Variants in PDLIM7 observed in about 807,000 individuals in gnomAD.
PDLIM7 encodes PDZ and LIM domain protein 7.
PDLIM7 carries 37 observed loss-of-function variants against 53.9 expected under a neutral mutation model. The ratio of observed to expected loss-of-function variants is 0.69; its 90% CI spans 0.53 to 0.90. The LOEUF (loss-of-function observed/expected upper bound fraction) is 0.90, where lower values mean the gene tolerates loss of function less well. PDLIM7 is among the 40% of genes least tolerant of loss of function. PDLIM7 has a pLI of 0.00. For missense variants in PDLIM7, 617 were observed against 638.5 expected, an observed-to-expected ratio of 0.97 and a Z score of 0.36; for synonymous variants, 300 against 261.3, an observed-to-expected ratio of 1.15 and a Z score of -1.43.
rs745788482 is a variant in PDLIM7, at chr5:177,488,080, C to T, written c.1038G>A (p.Lys346=). Residue 346 remains lysine, a synonymous_variant, in exon 10 of 13, where the codon AAG becomes AAA. Transcript: ENST00000355841. ...CAGCCCTACTCACGCCTGTAATCTT[C>T]TTCTTGCACTTGGCACAGCTGGGTG... ...RYAPSCAKCK[K]KITGEIMHAL... The T allele has an allele frequency of 2.8e-5, 45 of 1,600,332 alleles. No individual in the cohort carries two copies. The highest frequency in any genetic ancestry group is 3.7e-5 in the Non-Finnish European group (43 of 1,172,982).
intron 10 of PDLIM7, among the ~76,000 whole-genome samples, chr5:177,485,547 G>A (rs968291111): frequency 6.6e-6 from 1 of 152,236 alleles, no homozygotes; most frequent in African/African-American, 2.4e-5. Context: ...GGATGGCCCT[G>A]AGTTTAAATC....
chr5:177,489,722 C>T (rs1758648766), intron 8 of PDLIM7, 49 bp downstream of exon 8: 1 of 1,489,948 alleles, frequency 6.7e-7, no homozygotes, highest in Non-Finnish European at 8.9e-7. Flanking sequence ...ACCCCCATGC[C>T]CCTGGAGGCT....
At chr5:177,487,932 T>C (rs1758543737) in intron 10 of PDLIM7, 136 bp downstream of exon 10, 1 of 753,438 alleles carries the variant, frequency 1.3e-6, no homozygotes, top group East Asian at 2.8e-5. Context: ...GTGAGGCCAG[T>C]ACAGCAGCCC....
intron 9 of PDLIM7, among the ~76,000 whole-genome samples, chr5:177,488,512 G>A (rs747135531): frequency 1.3e-5 from 2 of 152,334 alleles, no homozygotes; most frequent in Middle Eastern, 3.4e-3. Flanking sequence ...CTGACGACTG[G>A]AGCCTCATAA....
intron 2 of PDLIM7, 125 bp from the exon 3 acceptor site, chr5:177,492,802 C>T (rs1758873455): frequency 5.5e-6 from 6 of 1,083,314 alleles, no homozygotes. Flanking sequence ...CTTCATTCAA[C>T]ATAGTTCTAG....
intron 4 of PDLIM7, 47 bp from the exon 5 acceptor site, chr5:177,491,972 G>T: frequency 1.2e-6 from 1 of 811,358 alleles, no homozygotes; most frequent in Non-Finnish European, 1.7e-6. Context: ...GGGTAAGGTG[G>T]GGGCCTGGGT....
intron 2 of PDLIM7, chr5:177,495,034 C>T (rs1758997989): frequency 6.6e-6 from 1 of 152,546 alleles, no homozygotes; most frequent in Non-Finnish European, 1.5e-5. Flanking sequence ...GCCCGGAGTG[C>T]CCCCAACAGG....
chr5:177,489,318 A>AAGACAGGTGGGC (rs1328703771), intron 9 of PDLIM7, 75 bp downstream of exon 9: 14 of 1,163,574 alleles, frequency 1.2e-5, no homozygotes, highest in Non-Finnish European at 2.4e-6. Context: ...CAGCTGAGGC[A>AAGACAGGTGGGC]AGACAGGTGG....
chr5:177,493,160 G>A (rs1736732433), intron 2 of PDLIM7, among the ~76,000 whole-genome samples: 1 of 152,136 alleles, frequency 6.6e-6, no homozygotes, highest in African/African-American at 2.4e-5. Flanking sequence ...ACCACCGGGG[G>A]CTCTTATGGA....
intron 10 of PDLIM7, 35 bp downstream of exon 10, chr5:177,488,033 T>A: frequency 1.3e-6 from 2 of 1,551,364 alleles, no homozygotes; most frequent in East Asian, 2.3e-5. Context: ...ACTGACAGGC[T>A]TGGGACCACC....
chr5:177,490,797 G>A (rs949437524), intron 7 of PDLIM7, 73 bp downstream of exon 7: 1 of 1,537,902 alleles, frequency 6.5e-7, no homozygotes, highest in African/African-American at 1.4e-5. Context: ...GGGAGCCTCA[G>A]GAGTAGACAC....
intron 4 of PDLIM7, 148 bp downstream of exon 4, chr5:177,492,257 C>T: frequency 1.0e-6 from 1 of 989,420 alleles, no homozygotes; most frequent in Non-Finnish European, 1.5e-6. Flanking sequence ...TGGCTCAACT[C>T]CAGGGCCCTA....
intron 10 of PDLIM7, among the ~76,000 whole-genome samples, chr5:177,485,369 C>G (rs1261126882): frequency 6.6e-6 from 1 of 152,178 alleles, no homozygotes; most frequent in African/African-American, 2.4e-5. Context: ...CCGGGGCCAG[C>G]CAGGGCCAGC....
chr5:177,497,075 T>A, intron 1 of PDLIM7, among the ~76,000 whole-genome samples: 1 of 137,966 alleles, frequency 7.2e-6, no homozygotes, highest in African/African-American at 2.7e-5. Context: ...CTCCTAGCCA[T>A]TCCGGGACCA....
intron 2 of PDLIM7, among the ~76,000 whole-genome samples, chr5:177,493,392 A>G (rs1026530530): frequency 6.6e-6 from 1 of 152,210 alleles, no homozygotes; most frequent in Non-Finnish European, 1.5e-5. Flanking sequence ...TTGAGCTGGG[A>G]GTCCCTGGTT....
At chr5:177,491,959 G>GC in intron 4 of PDLIM7, 34 bp from the exon 5 acceptor site, 1 of 217,634 alleles carries the variant, frequency 4.6e-6, no homozygotes, top group Non-Finnish European at 9.3e-6. Context: ...GGGCGGGCGG[G>GC]CAGGGTAAGG....
At chr5:177,486,534 A>G (rs548351520) in intron 10 of PDLIM7, among the ~76,000 whole-genome samples, 1 of 152,284 alleles carries the variant, frequency 6.6e-6, no homozygotes, top group East Asian at 1.9e-4. Flanking sequence ...AGGAGCAGAC[A>G]AGGTCACAGT....
intron 6 of PDLIM7, 27 bp from the exon 7 acceptor site, chr5:177,490,933 C>T: frequency 6.2e-7 from 1 of 1,613,918 alleles, no homozygotes; most frequent in Non-Finnish European, 8.5e-7. Flanking sequence ...AGGCATTGAC[C>T]AAAAAAGACA....
Position 177,483,730 on chromosome 5 carries a change from T to C in PDLIM7, c.1288A>G (p.Ile430Val), listed in dbSNP as rs374202108. The C allele has an allele frequency of 3.1e-6, 5 of 1,611,866 alleles. No homozygotes were observed. The Admixed American group carries it at 5.0e-5, about 16-fold the overall frequency. Residue 430 changes from isoleucine to valine, a missense_variant and splice_region_variant, in exon 13 of 13, where the codon ATA becomes GTA. Ile to Val is a conservative substitution (Grantham distance 29, BLOSUM62 3). Coordinates refer to ENST00000355841, the MANE Select transcript of PDLIM7 (RefSeq NM_005451.5). ...SWHDTCFVCAICQINLEGKTF... is the reference protein window; with the variant it reads ...SWHDTCFVCAVCQINLEGKTF... ...TTTCCTTCCAGGTTGATCTGACATATCTAAGGACAGCAAAGGCCCAGTCAC... is the reference window on the plus strand; with the variant it reads ...TTTCCTTCCAGGTTGATCTGACATACCTAAGGACAGCAAAGGCCCAGTCAC...
Sources: allele counts gnomAD v4.1 joint callset (sites outside exome capture counted in the v4.1 genomes callset), GRCh38; gene constraint gnomAD v4.1.1; transcripts MANE v1.5; gene names NCBI Gene and HGNC (gene_info 2026-07-23, HGNC 2026-07-21).